PRSS23: variants seen among roughly 807,000 people sequenced by gnomAD.
The protein encoded by PRSS23 is serine protease 23, also known as protease, serine 23.
Under a neutral mutation model 34.7 loss-of-function variants are expected in PRSS23, and 25 were observed. The ratio of observed to expected loss-of-function variants is 0.72; its 90% CI spans 0.53 to 1.01. The LOEUF is 1.01. Ranked by LOEUF, PRSS23 falls within the 50% of genes least tolerant of loss-of-function variation. The probability of loss-of-function intolerance (pLI) is 0.00; values close to 1 mark genes in which losing one functional copy is unlikely to be tolerated. For missense variants in PRSS23, 445 were observed against 475.6 expected (o/e 0.94, Z 0.60); for synonymous variants, 176 against 186.6 (o/e 0.94, Z 0.46).
intron 1 of PRSS23, among the ~76,000 whole-genome samples, chr11:86,822,087 G>C (rs1948256388): frequency 6.6e-6 from 1 of 152,162 alleles, no homozygotes; most frequent in African/African-American, 2.4e-5. Flanking sequence ...AAAGTGACCA[G>C]TGAATTATCA....
chr11:86,844,259 T>G (rs920526156), intron 2 of PRSS23, among the ~76,000 whole-genome samples: 3 of 152,080 alleles, frequency 2.0e-5, no homozygotes, highest in Non-Finnish European at 2.9e-5. Flanking sequence ...CCGGGGCCTG[T>G]CAGGGGGTAG....
At chr11:86,924,634 G>T (rs777100248) in intron 2 of PRSS23, among the ~76,000 whole-genome samples, 1 of 152,162 alleles carries the variant, frequency 6.6e-6, no homozygotes, top group African/African-American at 2.4e-5. Flanking sequence ...AACTGGAAAA[G>T]AAAAGTAATG....
At chr11:86,905,623 C>T (rs1333838577) in intron 2 of PRSS23, among the ~76,000 whole-genome samples, 2 of 152,196 alleles carry the variant, frequency 1.3e-5, no homozygotes, top group African/African-American at 4.8e-5. Flanking sequence ...TAAAAAGTCT[C>T]ACAATGTCTG....
intron 2 of PRSS23, among the ~76,000 whole-genome samples, chr11:86,879,641 T>C (rs1201879628): frequency 8.3e-6 from 1 of 120,204 alleles, no homozygotes; most frequent in African/African-American, 3.1e-5. Context: ...GGAGCCCCTC[T>C]GCCCGGCCAG....
At chr11:86,806,673 A>G (rs1217085529) in intron 1 of PRSS23, among the ~76,000 whole-genome samples, 1 of 152,248 alleles carries the variant, frequency 6.6e-6, no homozygotes, top group African/African-American at 2.4e-5. Context: ...TCTCTGAGCT[A>G]CCGCATCATC....
chr11:86,900,815 C>T lies in PRSS23; in HGVS notation c.207-50401C>T, dbSNP rs555674573. 7.3e-4 allele frequency among the ~76,000 whole-genome samples: 86 copies of T among 117,132 alleles called. 1 individual carries two copies. The highest frequency in any genetic ancestry group is 5.1e-3 in the South Asian group (18 of 3,514). The allele number at this position is 117,132 out of a possible 152,430, so 76.8% of individuals were successfully genotyped here. A position where few individuals can be genotyped will look rare whatever the true frequency, so the allele number is the denominator to read the frequency against. On this transcript the variant is annotated intron_variant, in intron 2 of 2. Transcript: ENST00000533902. Reference sequence around the variant, plus strand: ...TTTTTTTTTTTTTGAGACGGAGTCTCGCTCTGTCGCCCAGGCTGGAGTGCA... The same window carrying T: ...TTTTTTTTTTTTTGAGACGGAGTCTTGCTCTGTCGCCCAGGCTGGAGTGCA...
At chr11:86,828,771 T>G (rs1948325264) in intron 2 of PRSS23, among the ~76,000 whole-genome samples, 1 of 152,214 alleles carries the variant, frequency 6.6e-6, no homozygotes. Context: ...TTTGGCTGGA[T>G]ATGAAATTCT....
intron 2 of PRSS23, among the ~76,000 whole-genome samples, chr11:86,866,966 A>C (rs1366079956): frequency 6.6e-6 from 1 of 152,170 alleles, no homozygotes; most frequent in African/African-American, 2.4e-5. Flanking sequence ...TGAGCCAAGT[A>C]AGGCCTTTTC....
intron 2 of PRSS23, among the ~76,000 whole-genome samples, chr11:86,851,491 C>T (rs925195865): frequency 5.3e-5 from 8 of 152,170 alleles, no homozygotes; most frequent in Non-Finnish European, 1.0e-4. Flanking sequence ...GGCATCTGCC[C>T]GAGTGACAAG....
At chr11:86,930,543 G>C (rs1375555655) in intron 2 of PRSS23, among the ~76,000 whole-genome samples, 2 of 152,192 alleles carry the variant, frequency 1.3e-5, no homozygotes, top group East Asian at 3.9e-4. Flanking sequence ...TGTAATCCCA[G>C]CACTTTGGGA....
intron 2 of PRSS23, among the ~76,000 whole-genome samples, chr11:86,930,056 A>G (rs1023918039): frequency 4.6e-5 from 7 of 152,068 alleles, no homozygotes; most frequent in Non-Finnish European, 1.5e-5. Flanking sequence ...GTATTATACT[A>G]TACTATAATA....
chr11:86,879,559 C>A lies in PRSS23; in HGVS notation c.206+55966C>A, dbSNP rs1372514023. On this transcript the variant is annotated intron_variant, in intron 2 of 2. Coordinates refer to the PRSS23 transcript ENST00000533902. ...CCGGGAGGGAGGTGGGGGGGTCAGCCCCCCGCCCGGCCAGCCGCCCCGTCA... is the reference window on the plus strand; with the variant it reads ...CCGGGAGGGAGGTGGGGGGGTCAGCACCCCGCCCGGCCAGCCGCCCCGTCA... Among the ~76,000 whole-genome samples, 111 of 140,378 alleles carry A rather than the reference C, an allele frequency of 7.9e-4. No individual in the cohort carries two copies. The East Asian group carries it at 0.02, about 25-fold the overall frequency. 92.1% of individuals were successfully genotyped at this position (140,378 alleles called of 152,430 possible). A position where few individuals can be genotyped will look rare whatever the true frequency, so the allele number is the denominator to read the frequency against.
At chr11:86,937,216 C>T in intron 2 of PRSS23, 1 of 152,218 alleles carries the variant, frequency 6.6e-6, no homozygotes, top group East Asian at 1.9e-4. Context: ...TTTGAGATCA[C>T]AGACCCCTTC....
At chr11:86,800,410 G>A (rs910991451), upstream of PRSS23, 13 of 973,422 alleles carry the variant, frequency 1.3e-5, no homozygotes, top group Non-Finnish European at 1.5e-5. Context: ...CGAGGGGAGG[G>A]GGGCACGGTT....
chr11:86,837,799 A>G (rs1250629046), intron 2 of PRSS23, among the ~76,000 whole-genome samples: 3 of 152,206 alleles, frequency 2.0e-5, no homozygotes, highest in African/African-American at 4.8e-5. Flanking sequence ...TTAAATGGAC[A>G]TAACTGGAGA....
chr11:86,888,999 G>A (rs1348341558), intron 2 of PRSS23, among the ~76,000 whole-genome samples: 2 of 152,164 alleles, frequency 1.3e-5, no homozygotes, highest in Non-Finnish European at 2.9e-5. Context: ...GCACCTTATA[G>A]AGCCCTGATC....
chr11:86,864,483 C>T (rs1948637370), intron 2 of PRSS23, among the ~76,000 whole-genome samples: 2 of 152,196 alleles, frequency 1.3e-5, no homozygotes, highest in South Asian at 4.1e-4. Flanking sequence ...AATGACAATC[C>T]TGGCCAACGA....
intron 2 of PRSS23, chr11:86,935,277 A>G (rs1287225665): frequency 6.6e-6 from 1 of 152,236 alleles, no homozygotes; most frequent in African/African-American, 2.4e-5. Context: ...TTAAACATCC[A>G]CTTTGTGTCA....
chr11:86,900,445 A>C (rs1948903488), intron 2 of PRSS23, among the ~76,000 whole-genome samples: 1 of 152,188 alleles, frequency 6.6e-6, no homozygotes. Flanking sequence ...CAGAATTCAG[A>C]GATATTTTGT....
Sources: gnomAD v4.1 joint callset for allele counts (sites outside exome capture counted in the v4.1 genomes callset) on GRCh38, gnomAD v4.1.1 for gene constraint, MANE v1.5 for transcripts, NCBI Gene and HGNC (gene_info 2026-07-23, HGNC 2026-07-21) for gene names.